SPAG16: variants seen among roughly 807,000 people sequenced by gnomAD.
SPAG16 encodes the protein sperm associated antigen 16.
Under a neutral mutation model 80.4 loss-of-function variants are expected in SPAG16, and 86 were observed. That is an observed-to-expected ratio of 1.07 (90% CI 0.90 to 1.28). The LOEUF is 1.28. Ranked by LOEUF, SPAG16 falls within the 50% of genes most tolerant of loss-of-function variation. SPAG16 has a pLI of 0.00. For missense variants in SPAG16, 870 were observed against 765.3 expected, an observed-to-expected ratio of 1.14 and a Z score of -1.61; for synonymous variants, 294 against 265.9, an observed-to-expected ratio of 1.11 and a Z score of -1.03.
intron 15 of SPAG16, among the ~76,000 whole-genome samples, chr2:214,171,151 A>T (rs373280651): frequency 6.6e-6 from 1 of 151,984 alleles, no homozygotes; most frequent in African/African-American, 2.4e-5. Context: ...TTCTAAGATC[A>T]TAACAACTTT....
At chr2:213,889,638 TAC>T (rs1031763229) in intron 11 of SPAG16, among the ~76,000 whole-genome samples, 9 of 149,730 alleles carry the variant, frequency 6.0e-5, no homozygotes, top group African/African-American at 1.2e-4. Context: ...CATATACATA[TAC>T]ACACACACAT....
In SPAG16 at chr2:213,364,056, C is replaced by T; in HGVS notation, c.763-20C>T. ...AGTCATTTAGTGTATAATTTCATTT[C>T]TTTGAATTTTACTTTTTAGATTTCT... On this transcript the variant is annotated intron_variant, in intron 7 of 15. Transcript: ENST00000331683. 2 of 1,327,288 alleles carry T rather than the reference C, an allele frequency of 1.5e-6. No homozygotes were observed. The highest frequency in any genetic ancestry group is 2.0e-6 in the Non-Finnish European group (2 of 984,646). 82.2% of individuals were successfully genotyped at this position (1,327,288 alleles called of 1,614,324 possible).
At chr2:213,780,091 C>T (rs745469333) in intron 10 of SPAG16, among the ~76,000 whole-genome samples, 12 of 152,178 alleles carry the variant, frequency 7.9e-5, no homozygotes, top group Non-Finnish European at 1.5e-4. Context: ...GGGGACTAGT[C>T]ATGTACTTCA....
At chr2:214,345,593 GA>G (rs1423342035) in intron 15 of SPAG16, among the ~76,000 whole-genome samples, 1 of 151,952 alleles carries the variant, frequency 6.6e-6, no homozygotes, top group Non-Finnish European at 1.5e-5. Flanking sequence ...AAAGTTCTCT[GA>G]ATTATAATTT....
chr2:214,370,316 A>G (rs961201101), intron 15 of SPAG16, among the ~76,000 whole-genome samples: 3 of 152,102 alleles, frequency 2.0e-5, no homozygotes, highest in Non-Finnish European at 4.4e-5. Context: ...AGTTATTGCT[A>G]TGTGTCCACT....
At chr2:214,321,630 G>C (rs1169016134) in intron 15 of SPAG16, among the ~76,000 whole-genome samples, 1 of 152,060 alleles carries the variant, frequency 6.6e-6, no homozygotes, top group African/African-American at 2.4e-5. Context: ...AATTATTTTA[G>C]ACCCGAGATT....
intron 9 of SPAG16, among the ~76,000 whole-genome samples, chr2:213,487,559 A>T (rs1234684954): frequency 2.0e-5 from 3 of 152,082 alleles, no homozygotes; most frequent in African/African-American, 7.3e-5. Context: ...ATCTATGCTT[A>T]GATTGGATTG....
chr2:213,865,215 C>A (rs898100636), intron 11 of SPAG16, among the ~76,000 whole-genome samples: 1 of 151,838 alleles, frequency 6.6e-6, no homozygotes, highest in Non-Finnish European at 1.5e-5. Context: ...TTCAAAAAGG[C>A]ATAAATTCTT....
intron 10 of SPAG16, among the ~76,000 whole-genome samples, chr2:213,634,269 TAAAC>T (rs985028344): frequency 6.6e-6 from 1 of 152,210 alleles, no homozygotes; most frequent in African/African-American, 2.4e-5. Flanking sequence ...ACTGTTTGCA[TAAAC>T]AAACAAACAA....
intron 13 of SPAG16, among the ~76,000 whole-genome samples, chr2:214,105,464 C>A (rs551804648): frequency 7.2e-5 from 11 of 152,220 alleles, no homozygotes; most frequent in African/African-American, 2.6e-4. Flanking sequence ...ACATATCAGG[C>A]AACTGAAGCA....
intron 10 of SPAG16, among the ~76,000 whole-genome samples, chr2:213,597,016 A>G (rs2060906627): frequency 6.6e-6 from 1 of 152,162 alleles, no homozygotes; most frequent in African/African-American, 2.4e-5. Context: ...GCAAGTGAAA[A>G]AGACATTACA....
chr2:213,407,725 GGA>G (rs148004710), intron 9 of SPAG16, among the ~76,000 whole-genome samples: 27,978 of 144,774 alleles, frequency 0.19, 3,536 homozygotes, highest in Non-Finnish European at 0.29. Context: ...AAGAGAGACA[GGA>G]GAGAGAGAGA....
intron 9 of SPAG16, among the ~76,000 whole-genome samples, chr2:213,386,160 C>G (rs1199411833): frequency 6.6e-6 from 1 of 152,054 alleles, no homozygotes; most frequent in Non-Finnish European, 1.5e-5. Context: ...TCGTATTCTT[C>G]CCAATGTCTT....
At chr2:213,635,032 TTTTC>T (rs1329446535) in intron 10 of SPAG16, among the ~76,000 whole-genome samples, 2 of 151,320 alleles carry the variant, frequency 1.3e-5, no homozygotes, top group Admixed American at 6.6e-5. Flanking sequence ...TCATATTTCT[TTTTC>T]TTTCTTTTTT....
At chr2:213,956,417 T>A (rs1268352135) in intron 12 of SPAG16, among the ~76,000 whole-genome samples, 2 of 151,486 alleles carry the variant, frequency 1.3e-5, no homozygotes, top group Non-Finnish European at 2.9e-5. Context: ...GGCAGGTTGA[T>A]GATTTGAGAC....
intron 9 of SPAG16, among the ~76,000 whole-genome samples, chr2:213,425,748 A>T (rs1182626103): frequency 6.6e-6 from 1 of 152,168 alleles, no homozygotes; most frequent in African/African-American, 2.4e-5. Flanking sequence ...TATTCTATTA[A>T]CATTTTATGA....
intron 12 of SPAG16, among the ~76,000 whole-genome samples, chr2:213,973,395 C>A (rs2106387074): frequency 6.6e-6 from 1 of 152,002 alleles, no homozygotes; most frequent in Non-Finnish European, 1.5e-5. Flanking sequence ...TTGGTGGGAT[C>A]CAAGATATGA....
At chr2:213,434,153 C>G (rs1441432687) in intron 9 of SPAG16, among the ~76,000 whole-genome samples, 1 of 152,042 alleles carries the variant, frequency 6.6e-6, no homozygotes, top group Non-Finnish European at 1.5e-5. Context: ...CTCCTGACCT[C>G]AGGTGATCCA....
rs1369557745 is a variant in SPAG16, at chr2:213,950,694, T to TTTTC, written c.1400+20557_1400+20560dup. 1.9e-3 allele frequency among the ~76,000 whole-genome samples: 245 copies of TTTTC among 127,670 alleles called. 6 individuals carry two copies. Among genetic ancestry groups the TTTTC allele is most frequent in the East Asian group, 4.5e-3 (19 of 4,186 alleles). The allele number at this position is 127,670 out of a possible 152,430, so 83.8% of individuals were successfully genotyped here. A position where few individuals can be genotyped will look rare whatever the true frequency, so the allele number is the denominator to read the frequency against. On this transcript the variant is annotated intron_variant, in intron 12 of 15. Transcript: ENST00000331683. ...CCTCCTTCCTTCTCTCTCTTTTCTT[T>TTTTC]TTTCTTTCTTTTTTTTTTTTTTTTT...
Sources: gnomAD v4.1 joint callset for allele counts (sites outside exome capture counted in the v4.1 genomes callset) on GRCh38, gnomAD v4.1.1 for gene constraint, MANE v1.5 for transcripts, NCBI Gene and HGNC (gene_info 2026-07-23, HGNC 2026-07-21) for gene names.